VLDLR: variants seen among roughly 807,000 people sequenced by gnomAD.
VLDLR encodes the protein very low density lipoprotein receptor, also known as very low-density lipoprotein receptor.
VLDLR carries 81 observed loss-of-function variants against 112.7 expected under a neutral mutation model. That is an observed-to-expected ratio of 0.72 (90% CI 0.60 to 0.86). VLDLR has a LOEUF of 0.86. Ranked by LOEUF, VLDLR falls within the 40% of genes least tolerant of loss-of-function variation. The probability of loss-of-function intolerance (pLI) is 0.00; values close to 1 mark genes in which losing one functional copy is unlikely to be tolerated. For synonymous variants in VLDLR, 436 were observed against 384.8 expected, an observed-to-expected ratio of 1.13 and a Z score of -1.56; for missense variants, 1,237 against 1,099.4, an observed-to-expected ratio of 1.13 and a Z score of -1.77.
intron 1 of VLDLR, among the ~76,000 whole-genome samples, chr9:2,634,340 G>T (rs1817504985): frequency 6.6e-6 from 1 of 152,188 alleles, no homozygotes; most frequent in African/African-American, 2.4e-5. Flanking sequence ...CTGAAAGGTG[G>T]CAGGAAATCG....
At chr9:2,632,456 A>G (rs576810244) in intron 1 of VLDLR, among the ~76,000 whole-genome samples, 16 of 152,242 alleles carry the variant, frequency 1.1e-4, no homozygotes, top group Non-Finnish European at 1.5e-4. Context: ...CTGAAGAATT[A>G]AAAGAATCTC....
Position 2,651,835 on chromosome 9 carries a change from A to G in VLDLR, c.2336-39A>G, listed in dbSNP as rs111892657. ...GATGGGTAAATTTCTAAGTCTGAATACAGATCCTTCTAAACTGATTCCTTT... is the reference window on the plus strand; with the variant it reads ...GATGGGTAAATTTCTAAGTCTGAATGCAGATCCTTCTAAACTGATTCCTTT... On this transcript the variant is annotated intron_variant, in intron 16 of 18. Coordinates refer to ENST00000382100, the MANE Select transcript of VLDLR (RefSeq NM_003383.5). The G allele has an allele frequency of 6.8e-6, 11 of 1,611,716 alleles. No homozygotes were observed. In the African/African-American group the frequency reaches 8.0e-5, roughly 12 times the overall value.
intron 1 of VLDLR, among the ~76,000 whole-genome samples, chr9:2,625,800 C>A (rs912133794): frequency 2.8e-4 from 42 of 152,218 alleles, no homozygotes; most frequent in African/African-American, 9.9e-4. Context: ...GCGAGATATA[C>A]TTGTTAAGCG....
At chr9:2,648,168 T>C in intron 12 of VLDLR, 40 bp from the exon 13 acceptor site, 1 of 1,611,582 alleles carries the variant, frequency 6.2e-7, no homozygotes, top group Non-Finnish European at 8.5e-7. Context: ...GCCAGAGTAG[T>C]AGTGGCTTGT....
At chr9:2,647,782 A>G (rs1415242325) in intron 12 of VLDLR, 190 bp downstream of exon 12, 1 of 670,990 alleles carries the variant, frequency 1.5e-6, no homozygotes, top group Non-Finnish European at 2.7e-6. Context: ...TTCCATAATT[A>G]CTGGCCTGTT....
chr9:2,644,918 G>T (rs1254794565), intron 8 of VLDLR, 39 bp from the exon 9 acceptor site: 2 of 1,614,122 alleles, frequency 1.2e-6, no homozygotes, highest in East Asian at 2.2e-5. Flanking sequence ...ACCTAGTAAG[G>T]TATAGGAGCA....
intron 1 of VLDLR, among the ~76,000 whole-genome samples, chr9:2,629,044 T>C (rs1410601595): frequency 6.6e-6 from 1 of 152,196 alleles, no homozygotes; most frequent in Non-Finnish European, 1.5e-5. Context: ...TGGACCGAAA[T>C]TGGCAACATT....
chr9:2,648,108 G>A, intron 12 of VLDLR, 100 bp from the exon 13 acceptor site: 2 of 1,533,158 alleles, frequency 1.3e-6, no homozygotes, highest in South Asian at 2.3e-5. Flanking sequence ...CCCTGCTGGG[G>A]AAAGAACCGT....
chr9:2,658,642 C>T lies in VLDLR; in HGVS notation c.*4774C>T, dbSNP rs564984832. On this transcript the variant is annotated 3_prime_UTR_variant, in exon 19 of 19. Coordinates refer to ENST00000382100, the MANE Select transcript of VLDLR (RefSeq NM_003383.5). ...CTCTGTAAAGTAGAGACGATGGGGA[C>T]TGTCTCACTGTGACAAGGTAAGATT... 5.1e-4 allele frequency: 77 copies of T among 152,270 alleles called. 1 individual carries two copies. Among genetic ancestry groups the T allele is most frequent in the African/African-American group, 1.9e-3 (77 of 41,568 alleles). The allele number at this position is 152,270 out of a possible 1,614,324, so 9.4% of individuals were successfully genotyped here.
intron 12 of VLDLR, 119 bp from the exon 13 acceptor site, chr9:2,648,089 G>T: frequency 2.1e-6 from 3 of 1,428,962 alleles, no homozygotes; most frequent in Non-Finnish European, 2.9e-6. Context: ...TGGTGACCCC[G>T]TTAAGAAACC....
At chr9:2,626,346 A>T (rs1817085982) in intron 1 of VLDLR, among the ~76,000 whole-genome samples, 1 of 152,232 alleles carries the variant, frequency 6.6e-6, no homozygotes, top group South Asian at 2.1e-4. Flanking sequence ...GCAACTTGTC[A>T]CGTGATGTCA....
At chr9:2,653,738 G>T (rs1586662759) in intron 18 of VLDLR, 95 bp from the exon 19 acceptor site, 1 of 1,343,258 alleles carries the variant, frequency 7.4e-7, no homozygotes, top group East Asian at 2.3e-5. Context: ...CTGAGTGTTT[G>T]AATGACCAAC....
At position 2,643,829 on chromosome 9, in the gene VLDLR, C is replaced by G. The variant is rs745363041; in HGVS notation, c.944-8C>G. The stretch of plus-strand genomic sequence containing the variant: ...CATGGAATCTCTCTTCTTTGTTTCT[C>G]TTTGTAGTCAATCAGTGCTTGGGCC... On this transcript the variant is annotated splice_region_variant and splice_polypyrimidine_tract_variant and intron_variant, in intron 6 of 18. Coordinates refer to ENST00000382100, the MANE Select transcript of VLDLR (RefSeq NM_003383.5). 1.9e-6 allele frequency: 3 copies of G among 1,614,196 alleles called. No individual in the cohort carries two copies. In the Admixed American group the frequency reaches 5.0e-5, roughly 27 times the overall value.
intron 18 of VLDLR, 97 bp downstream of exon 18, chr9:2,653,046 G>T: frequency 1.3e-6 from 2 of 1,492,050 alleles, no homozygotes; most frequent in South Asian, 2.3e-5. Flanking sequence ...GGATGATGGA[G>T]TTACCAAACA....
chr9:2,648,920 C>G, intron 14 of VLDLR, 110 bp downstream of exon 14: 1 of 1,396,136 alleles, frequency 7.2e-7, no homozygotes, highest in African/African-American at 1.4e-5. Flanking sequence ...TAAAAGGGAA[C>G]TTTTGCCCTC....
intron 14 of VLDLR, 50 bp downstream of exon 14, chr9:2,648,860 T>C (rs1377958019): frequency 6.2e-7 from 1 of 1,612,056 alleles, no homozygotes; most frequent in Admixed American, 1.7e-5. Context: ...GGAAGCAGCA[T>C]GACACAGAAC....
intron 1 of VLDLR, among the ~76,000 whole-genome samples, chr9:2,623,711 G>A (rs1260768041): frequency 6.6e-6 from 1 of 152,204 alleles, no homozygotes; most frequent in African/African-American, 2.4e-5. Flanking sequence ...AGCATGGGCA[G>A]TGTTATTTTC....
chr9:2,659,280 T>C lies in VLDLR; in HGVS notation c.*5412T>C, dbSNP rs1947447. The C allele has an allele frequency of 0.21, 32,524 of 152,172 alleles. 3,795 individuals are homozygous for C. The highest frequency in any genetic ancestry group is 0.24 in the African/African-American group (9,964 of 41,478). The allele number at this position is 152,172 out of a possible 1,614,324, so 9.4% of individuals were successfully genotyped here. The stretch of plus-strand genomic sequence containing the variant: ...AGGGGATGCAGTACTGTACAAAGAT[T>C]GAGCTGGATGTCGCATTGCATGTTT... On this transcript the variant is annotated 3_prime_UTR_variant, in exon 19 of 19. Transcript: ENST00000382100.
chr9:2,625,110 G>T (rs952853933), intron 1 of VLDLR, among the ~76,000 whole-genome samples: 1 of 152,142 alleles, frequency 6.6e-6, no homozygotes, highest in Non-Finnish European at 1.5e-5. Flanking sequence ...AAGAAGTGAA[G>T]ACCTGATCCA....
Sources: gnomAD v4.1 joint callset for allele counts (sites outside exome capture counted in the v4.1 genomes callset) on GRCh38, gnomAD v4.1.1 for gene constraint, MANE v1.5 for transcripts, NCBI Gene and HGNC (gene_info 2026-07-23, HGNC 2026-07-21) for gene names.